Variants in SLC24A3 observed in about 807,000 individuals in gnomAD.
SLC24A3 encodes the protein sodium/potassium/calcium exchanger 3.
SLC24A3 carries 28 observed loss-of-function variants against 75.8 expected under a neutral mutation model. That is an observed-to-expected ratio of 0.37 (90% CI 0.27 to 0.51). The LOEUF is 0.51. SLC24A3 is among the 20% of genes least tolerant of loss of function. SLC24A3 has a pLI of 0.94. For synonymous variants in SLC24A3, 372 were observed against 334.1 expected, an observed-to-expected ratio of 1.11 and a Z score of -1.24; for missense variants, 663 against 847.8, an observed-to-expected ratio of 0.78 and a Z score of 2.71.
intron 15 of SLC24A3, 60 bp from the exon 16 acceptor site, chr20:19,717,468 G>A: frequency 6.3e-7 from 1 of 1,589,860 alleles, no homozygotes; most frequent in Non-Finnish European, 8.6e-7. Flanking sequence ...CTTTTCCAAA[G>A]CCTAACTCTG....
At chr20:19,715,129 G>A (rs1368142487) in intron 15 of SLC24A3, among the ~76,000 whole-genome samples, 1 of 152,190 alleles carries the variant, frequency 6.6e-6, no homozygotes, top group Non-Finnish European at 1.5e-5. Flanking sequence ...TCTCTCCTAG[G>A]GGTTGCCATC....
At chr20:19,264,606 G>A (rs1983102258) in intron 1 of SLC24A3, among the ~76,000 whole-genome samples, 1 of 151,770 alleles carries the variant, frequency 6.6e-6, no homozygotes, top group South Asian at 2.1e-4. Context: ...GCATGCACCT[G>A]TAGTCCCAGC....
At chr20:19,438,337 T>G (rs1039047734) in intron 2 of SLC24A3, among the ~76,000 whole-genome samples, 1 of 152,224 alleles carries the variant, frequency 6.6e-6, no homozygotes, top group Non-Finnish European at 1.5e-5. Flanking sequence ...ACAGCCGTTA[T>G]TTCTGAGTGA....
At chr20:19,350,564 G>C (rs1466767900) in intron 2 of SLC24A3, among the ~76,000 whole-genome samples, 1 of 152,158 alleles carries the variant, frequency 6.6e-6, no homozygotes, top group Non-Finnish European at 1.5e-5. Flanking sequence ...ACGCCTGCCA[G>C]ACATCAATAG....
chr20:19,452,831 A>G (rs1987510620), intron 2 of SLC24A3, among the ~76,000 whole-genome samples: 1 of 152,066 alleles, frequency 6.6e-6, no homozygotes. Flanking sequence ...CCTGGGCAAC[A>G]TAACAAGACC....
At chr20:19,561,000 T>C (rs1170643393) in intron 3 of SLC24A3, among the ~76,000 whole-genome samples, 2 of 152,156 alleles carry the variant, frequency 1.3e-5, no homozygotes, top group South Asian at 2.1e-4. Flanking sequence ...CAGATTCAAA[T>C]ATTTTTTTGT....
chr20:19,518,495 A>G lies in SLC24A3; in HGVS notation c.348+2931A>G, dbSNP rs1305736134. ...AGGTGGTGCTGTTCTTGAAGAGTGCAGGCAGATTCCAAAGAAGCATGGAGA... is the reference window on the plus strand; with the variant it reads ...AGGTGGTGCTGTTCTTGAAGAGTGCGGGCAGATTCCAAAGAAGCATGGAGA... On this transcript the variant is annotated intron_variant, in intron 3 of 16. Coordinates refer to ENST00000328041, the MANE Select transcript of SLC24A3 (RefSeq NM_020689.4). Among the ~76,000 whole-genome samples, 5 of 152,258 alleles carry G rather than the reference A, an allele frequency of 3.3e-5. No individual in the cohort carries two copies. In the South Asian group the frequency reaches 6.2e-4, roughly 19 times the overall value.
chr20:19,450,169 C>T (rs1182822869), intron 2 of SLC24A3, among the ~76,000 whole-genome samples: 1 of 152,150 alleles, frequency 6.6e-6, no homozygotes, highest in Non-Finnish European at 1.5e-5. Context: ...TTTTCTTTGG[C>T]TCATAAGAAG....
intron 3 of SLC24A3, among the ~76,000 whole-genome samples, chr20:19,526,102 T>C (rs1317184346): frequency 2.0e-5 from 3 of 152,188 alleles, no homozygotes; most frequent in East Asian, 3.9e-4. Flanking sequence ...GTCTCCCCGA[T>C]AGCTCTTCTT....
chr20:19,524,879 T>G (rs1034577909), intron 3 of SLC24A3, among the ~76,000 whole-genome samples: 1 of 152,204 alleles, frequency 6.6e-6, no homozygotes, highest in African/African-American at 2.4e-5. Flanking sequence ...ATGTCATGGC[T>G]TAAAGAACTA....
intron 2 of SLC24A3, among the ~76,000 whole-genome samples, chr20:19,348,171 G>A (rs775231345): frequency 3.3e-5 from 5 of 152,192 alleles, no homozygotes; most frequent in African/African-American, 4.8e-5. Context: ...GCTCCCTGAT[G>A]TGGGGTTTCG....
chr20:19,476,479 A>G (rs73128701), intron 2 of SLC24A3, among the ~76,000 whole-genome samples: 8 of 152,366 alleles, frequency 5.3e-5, no homozygotes, highest in Admixed American at 3.3e-4. Flanking sequence ...TACCAAAAAC[A>G]TGATCCATGA....
intron 2 of SLC24A3, among the ~76,000 whole-genome samples, chr20:19,422,901 A>G (rs1218468982): frequency 6.6e-6 from 1 of 152,214 alleles, no homozygotes; most frequent in African/African-American, 2.4e-5. Context: ...CTGATGGAAT[A>G]AGAGAGTTAC....
At chr20:19,467,890 A>C (rs1379774819) in intron 2 of SLC24A3, among the ~76,000 whole-genome samples, 2 of 151,948 alleles carry the variant, frequency 1.3e-5, no homozygotes, top group Non-Finnish European at 2.9e-5. Flanking sequence ...CAAAAAAAAA[A>C]AAAAAAGCCA....
At chr20:19,260,114 CATT>C (rs1262647257) in intron 1 of SLC24A3, among the ~76,000 whole-genome samples, 1 of 152,202 alleles carries the variant, frequency 6.6e-6, no homozygotes, top group Non-Finnish European at 1.5e-5. Context: ...TCAACTTCAT[CATT>C]GTTATTTTTT....
chr20:19,355,345 C>CA (rs1190671393), intron 2 of SLC24A3, among the ~76,000 whole-genome samples: 6 of 152,064 alleles, frequency 3.9e-5, no homozygotes, highest in African/African-American at 1.4e-4. Flanking sequence ...GATTAAAATC[C>CA]AAAAAATGAG....
chr20:19,645,609 T>C (rs1050239313), intron 6 of SLC24A3, among the ~76,000 whole-genome samples: 1 of 152,078 alleles, frequency 6.6e-6, no homozygotes, highest in Non-Finnish European at 1.5e-5. Flanking sequence ...GTGACACAAG[T>C]TGCCTGGTCT....
intron 2 of SLC24A3, among the ~76,000 whole-genome samples, chr20:19,407,396 A>G (rs1251930956): frequency 6.6e-6 from 1 of 152,216 alleles, no homozygotes; most frequent in Non-Finnish European, 1.5e-5. Flanking sequence ...AGAACGGGGC[A>G]GGTCGTGCTC....
At chr20:19,716,219 C>G (rs1267442882) in intron 15 of SLC24A3, among the ~76,000 whole-genome samples, 1 of 152,084 alleles carries the variant, frequency 6.6e-6, no homozygotes, top group Admixed American at 6.5e-5. Context: ...TAAGGAATCT[C>G]TTCTATTTTG....
Sources: allele counts gnomAD v4.1 joint callset (sites outside exome capture counted in the v4.1 genomes callset), GRCh38; gene constraint gnomAD v4.1.1; transcripts MANE v1.5; gene names NCBI Gene and HGNC (gene_info 2026-07-23, HGNC 2026-07-21).